CAMK2A: variants seen among roughly 807,000 people sequenced by gnomAD.
CAMK2A encodes calcium/calmodulin-dependent protein kinase type II subunit alpha.
CAMK2A carries 7 observed loss-of-function variants against 79.2 expected under a neutral mutation model. That is an observed-to-expected ratio of 0.09 (90% confidence interval 0.05 to 0.17). CAMK2A has a LOEUF of 0.17. Ranked by LOEUF, CAMK2A falls within the 10% of genes least tolerant of loss-of-function variation. The pLI is 1.00. For missense variants in CAMK2A, 214 were observed against 646.4 expected, an observed-to-expected ratio of 0.33 and a Z score of 7.25; for synonymous variants, 242 against 251.7, an observed-to-expected ratio of 0.96 and a Z score of 0.36.
chr5:150,278,846 G>A (rs1757085279), intron 1 of CAMK2A, among the ~76,000 whole-genome samples: 1 of 152,140 alleles, frequency 6.6e-6, no homozygotes, highest in South Asian at 2.1e-4. Flanking sequence ...CTGTAGGTGT[G>A]ACAAAGCACA....
chr5:150,244,092 T>C (rs1755460157), intron 13 of CAMK2A, among the ~76,000 whole-genome samples: 1 of 151,864 alleles, frequency 6.6e-6, no homozygotes, highest in Admixed American at 6.5e-5. Flanking sequence ...AATGATTAGA[T>C]AGGATTTTAT....
At chr5:150,266,288 C>T (rs749670877) in intron 2 of CAMK2A, among the ~76,000 whole-genome samples, 1 of 152,148 alleles carries the variant, frequency 6.6e-6, no homozygotes, top group Non-Finnish European at 1.5e-5. Context: ...CCCAAGCAAT[C>T]CTGGGCTGGG....
chr5:150,226,824 G>T (rs1194079592), intron 17 of CAMK2A, among the ~76,000 whole-genome samples: 1 of 147,368 alleles, frequency 6.8e-6, no homozygotes, highest in Non-Finnish European at 1.5e-5. Context: ...TTTTTGTGGA[G>T]ATTGAATCTT....
rs887455151 is a variant in CAMK2A, at chr5:150,237,091, T to C, written c.1066+1609A>G. Among the ~76,000 whole-genome samples, 3 of 152,244 alleles carry C rather than the reference T, an allele frequency of 2.0e-5. No homozygotes were observed. The East Asian group carries it at 5.8e-4, about 29-fold the overall frequency. ...AAGATGGATTTGCTCTAGGGCCAGG[T>C]TGTGGTGATAGAGTACCCACCACCG... is the stretch of plus-strand genomic sequence containing the variant. On this transcript the variant is annotated intron_variant, in intron 15 of 18. Transcript: ENST00000671881.
chr5:150,226,981 A>G (rs1004032293), intron 17 of CAMK2A, among the ~76,000 whole-genome samples: 1 of 151,780 alleles, frequency 6.6e-6, no homozygotes, highest in African/African-American at 2.4e-5. Flanking sequence ...CACATTGGCC[A>G]GGCTGGTCTC....
chr5:150,269,926 C>A (rs1418045942), intron 2 of CAMK2A, among the ~76,000 whole-genome samples: 1 of 152,184 alleles, frequency 6.6e-6, no homozygotes, highest in African/African-American at 2.4e-5. Flanking sequence ...TTGTCATGCT[C>A]CCCACCTGGT....
chr5:150,226,363 G>T (rs1316732326), intron 17 of CAMK2A, among the ~76,000 whole-genome samples: 1 of 152,098 alleles, frequency 6.6e-6, no homozygotes, highest in Non-Finnish European at 1.5e-5. Flanking sequence ...TGAAGAGCTG[G>T]ACTAGATCCT....
Position 150,247,752 on chromosome 5 carries a change from C to T in CAMK2A, c.943+20G>A. The T allele has an allele frequency of 6.2e-7, 1 of 1,604,738 alleles. No homozygotes were observed. The highest frequency in any genetic ancestry group is 8.5e-7 in the Non-Finnish European group (1 of 1,175,566). ...AACTGGTGCAGGGCTTACTGGGGAC[C>T]CTGAGGTCCTGCCACCTACCGGAGA... On this transcript the variant is annotated intron_variant, in intron 12 of 18. Coordinates refer to ENST00000671881, the MANE Select transcript of CAMK2A (RefSeq NM_015981.4).
Position 150,221,578 on chromosome 5 carries a change from C to G in CAMK2A, c.*1132G>C. On this transcript the variant is annotated 3_prime_UTR_variant, in exon 19 of 19. Coordinates refer to ENST00000671881, the MANE Select transcript of CAMK2A (RefSeq NM_015981.4). ...TGACAGCCTCCCTCCTCCTCTCTGC[C>G]CTGACTTGCTGTTCCTGAGTCAGTG... is the stretch of plus-strand genomic sequence containing the variant. The G allele has an allele frequency of 2.5e-6, 1 of 398,658 alleles. No homozygotes were observed. The highest frequency in any genetic ancestry group is 4.4e-6 in the Non-Finnish European group (1 of 226,038). 24.7% of individuals were successfully genotyped at this position (398,658 alleles called of 1,614,324 possible).
At chr5:150,222,872 C>T in intron 18 of CAMK2A, 117 bp downstream of exon 18, 1 of 1,376,682 alleles carries the variant, frequency 7.3e-7, no homozygotes, top group South Asian at 1.2e-5. Flanking sequence ...GGGGTCTCCC[C>T]ACCCCACTCT....
chr5:150,257,493 T>C, intron 4 of CAMK2A, 70 bp downstream of exon 4: 1 of 1,305,672 alleles, frequency 7.7e-7, no homozygotes, highest in Non-Finnish European at 1.1e-6. Flanking sequence ...GCCCAAGAGG[T>C]CCAGTGAGGC....
chr5:150,238,548 C>A (rs1178271249), intron 15 of CAMK2A, 152 bp downstream of exon 15: 2 of 767,586 alleles, frequency 2.6e-6, no homozygotes, highest in Admixed American at 2.0e-5. Context: ...ATGATGCCTC[C>A]CAGTGTGCCC....
rs1408224855 is a variant in CAMK2A, at chr5:150,228,252, G to A, written c.1177C>T (p.Pro393Ser). ...TCAACCAGGTTCCCCAGGGCCTCAG[G>A]TTCGAAGGCTGTCATGCCAGGGTCG... ...MCDPGMTAFEPEALGNLVEGL... is the reference protein window; with the variant it reads ...MCDPGMTAFESEALGNLVEGL... Residue 393 changes from proline (P) to serine (S), a missense_variant, in exon 17 of 19, where the codon CCT becomes TCT. This residue lies in a region of CAMK2A where 123 missense variants were observed against 242.4 expected (regional missense o/e 0.51). Transcript: ENST00000671881. The A allele has an allele frequency of 6.2e-7, 1 of 1,614,046 alleles. No homozygotes were observed. The highest frequency in any genetic ancestry group is 1.1e-5 in the South Asian group (1 of 91,056).
chr5:150,289,481 G>A (rs1474645552), intron 1 of CAMK2A, 83 bp downstream of exon 1: 3 of 1,035,214 alleles, frequency 2.9e-6, no homozygotes, highest in South Asian at 1.3e-5. Context: ...TGCTCCCCAA[G>A]CACTGCAGGC....
rs375918851 is a variant in CAMK2A at position 150,223,052 on chromosome 5, C to T, written c.1403G>A (p.Arg468His). 6 of 1,614,116 alleles carry T rather than the reference C, an allele frequency of 3.7e-6. No individual in the cohort carries two copies. The African/African-American group carries it at 5.3e-5, about 14-fold the overall frequency. The change falls in exon 18 of 19, where the codon CGC (arginine) becomes CAC (histidine). Residue 468 changes from arginine (R) to histidine (H), a missense_variant. Physicochemically the swap from Arg to His is conservative, Grantham distance 29. Coordinates refer to ENST00000671881, the MANE Select transcript of CAMK2A (RefSeq NM_015981.4). The surrounding 1 kb of genome is among the most constrained non-coding windows in gnomAD (Gnocchi z 4.1). ...AQSEETRVWH[R>H]RDGKWQIVHF... The stretch of plus-strand genomic sequence containing the variant: ...GACGATCTGCCATTTGCCATCCCGG[C>T]GGTGCCAGACACGGGTCTCCTCCGA...
chr5:150,282,122 G>A (rs906819534), intron 1 of CAMK2A, among the ~76,000 whole-genome samples: 5 of 152,020 alleles, frequency 3.3e-5, no homozygotes, highest in South Asian at 2.1e-4. Flanking sequence ...CACCTCTCCC[G>A]TCCTCTCGAC....
chr5:150,284,579 G>T lies in CAMK2A; in HGVS notation c.62+4985C>A, dbSNP rs1757346990. Among the ~76,000 whole-genome samples, 1 of 152,182 alleles carries T rather than the reference G, an allele frequency of 6.6e-6. No homozygotes were observed. Among genetic ancestry groups the T allele is most frequent in the Non-Finnish European group, 1.5e-5 (1 of 68,028 alleles). On this transcript the variant is annotated intron_variant, in intron 1 of 18. Transcript: ENST00000671881. The surrounding 1 kb of genome is among the most constrained non-coding windows in gnomAD (Gnocchi z 5.3). ...GGCGGCTGCGCGGGGGCGGAGGGCT[G>T]CAGCGTGCACCAGAACATGTGCGTG...
chr5:150,277,380 A>G (rs1318560202), intron 1 of CAMK2A, among the ~76,000 whole-genome samples: 1 of 152,204 alleles, frequency 6.6e-6, no homozygotes, highest in Non-Finnish European at 1.5e-5. Context: ...CCTGCTGTGT[A>G]TCCTGTCTCC....
intron 15 of CAMK2A, among the ~76,000 whole-genome samples, chr5:150,234,913 G>A (rs772266866): frequency 5.3e-5 from 8 of 152,242 alleles, no homozygotes; most frequent in African/African-American, 1.4e-4. Flanking sequence ...CTGGGGCCCC[G>A]AAGTGAACAC....
Sources: gnomAD v4.1 joint callset for allele counts (sites outside exome capture counted in the v4.1 genomes callset) on GRCh38, gnomAD v4.1.1 for gene constraint, gnomAD v4.1.1 regional missense constraint, Gnocchi (gnomAD v3.1) non-coding constraint, MANE v1.5 for transcripts, NCBI Gene and HGNC (gene_info 2026-07-23, HGNC 2026-07-21) for gene names.